Variants in TAPT1 observed in about 807,000 individuals in gnomAD.
The protein encoded by TAPT1 is transmembrane anterior posterior transformation 1, also known as transmembrane anterior posterior transformation protein 1 homolog.
TAPT1 carries 28 observed loss-of-function variants against 65.6 expected under a neutral mutation model. The observed-to-expected ratio is 0.43, with a 90% CI of 0.32 to 0.59. The LOEUF (loss-of-function observed/expected upper bound fraction) is 0.59. TAPT1 is among the 20% of genes least tolerant of loss of function. The probability of loss-of-function intolerance (pLI) is 0.09; values close to 1 mark genes in which losing one functional copy is unlikely to be tolerated. For synonymous variants in TAPT1, 278 were observed against 245.2 expected, an observed-to-expected ratio of 1.13 and a Z score of -1.25; for missense variants, 563 against 679.9, an observed-to-expected ratio of 0.83 and a Z score of 1.91.
intron 7 of TAPT1, chr4:16,183,270 T>C (rs1003486392): frequency 1.2e-4 from 18 of 152,216 alleles, no homozygotes; most frequent in African/African-American, 4.3e-4. Flanking sequence ...CGGACCACCT[T>C]GCATTGTAAC....
At chr4:16,194,938 G>A (rs1749611338) in intron 3 of TAPT1, among the ~76,000 whole-genome samples, 1 of 151,182 alleles carries the variant, frequency 6.6e-6, no homozygotes, top group Admixed American at 6.6e-5. Context: ...CACCATGTTG[G>A]CCAGGATGGT....
intron 1 of TAPT1, among the ~76,000 whole-genome samples, chr4:16,220,321 C>T (rs1751173940): frequency 6.6e-6 from 1 of 152,186 alleles, no homozygotes; most frequent in South Asian, 2.1e-4. Context: ...GCAAAACAGT[C>T]ACTCTCATTT....
intron 3 of TAPT1, chr4:16,196,574 A>C (rs189752477): frequency 3.3e-6 from 2 of 608,470 alleles, no homozygotes; most frequent in Admixed American, 2.4e-5. Context: ...CCTAATGGCT[A>C]TGTCTGCCTA....
chr4:16,189,673 C>T (rs1160539940), intron 4 of TAPT1, among the ~76,000 whole-genome samples: 1 of 152,196 alleles, frequency 6.6e-6, no homozygotes, highest in Non-Finnish European at 1.5e-5. Flanking sequence ...TTGCCTCTTC[C>T]AGAGCATGGA....
chr4:16,186,907 AT>A (rs781635764), intron 5 of TAPT1, 29 bp from the exon 6 acceptor site: 113 of 1,351,006 alleles, frequency 8.4e-5, no homozygotes, highest in Non-Finnish European at 1.2e-4. Flanking sequence ...AAAAACTTAA[AT>A]TTGCTTTCAT....
intron 11 of TAPT1, among the ~76,000 whole-genome samples, chr4:16,171,929 G>C (rs6813085): frequency 0.043 from 6,585 of 152,054 alleles, 246 homozygotes; most frequent in African/African-American, 0.09. Context: ...ACGACCCAAT[G>C]TAACGCTTAG....
chr4:16,173,964 T>C (rs1748166465), intron 11 of TAPT1, among the ~76,000 whole-genome samples: 1 of 152,248 alleles, frequency 6.6e-6, no homozygotes, highest in South Asian at 2.1e-4. Context: ...AGTATTCTCA[T>C]TGTTAGGAAA....
chr4:16,163,140 C>T lies in TAPT1; in HGVS notation c.*168G>A, dbSNP rs1747362225. ...AGGTCGCTCCTGTCCTGTGGTCTGA[C>T]CCTCAGCCAGGCCATATTACTGGAA... is the stretch of plus-strand genomic sequence containing the variant. On this transcript the variant is annotated 3_prime_UTR_variant, in exon 14 of 14. Coordinates refer to ENST00000405303, the MANE Select transcript of TAPT1 (RefSeq NM_153365.3). 1.2e-5 allele frequency: 8 copies of T among 664,806 alleles called. No individual in the cohort carries two copies. The South Asian group carries it at 1.3e-4, about 11-fold the overall frequency. The allele number at this position is 664,806 out of a possible 1,614,324, so 41.2% of individuals were successfully genotyped here. A position where few individuals can be genotyped will look rare whatever the true frequency, so the allele number is the denominator to read the frequency against.
At chr4:16,201,146 C>T (rs760854596) in intron 3 of TAPT1, among the ~76,000 whole-genome samples, 2 of 152,102 alleles carry the variant, frequency 1.3e-5, no homozygotes, top group Non-Finnish European at 2.9e-5. Flanking sequence ...ATAATGTGAT[C>T]ATCATAATAA....
intron 9 of TAPT1, 22 bp from the exon 10 acceptor site, chr4:16,174,751 A>G: frequency 6.7e-7 from 1 of 1,494,320 alleles, no homozygotes; most frequent in African/African-American, 1.4e-5. Context: ...CAAGAATGAA[A>G]TATCAAGTAA....
intron 1 of TAPT1, among the ~76,000 whole-genome samples, chr4:16,224,714 T>C (rs1183250353): frequency 3.3e-5 from 5 of 152,134 alleles, no homozygotes; most frequent in African/African-American, 1.2e-4. Context: ...TGGTGAACCA[T>C]GTTGGTGAAG....
chr4:16,218,630 G>A lies in TAPT1; in HGVS notation c.200-4732C>T, dbSNP rs548296931. 7.2e-5 allele frequency among the ~76,000 whole-genome samples: 11 copies of A among 152,334 alleles called. No individual in the cohort carries two copies. The South Asian group carries it at 2.1e-3, about 29-fold the overall frequency. On this transcript the variant is annotated intron_variant, in intron 1 of 13. Coordinates refer to ENST00000405303, the MANE Select transcript of TAPT1 (RefSeq NM_153365.3). ...TCACCGAAAAGAAAATGGAAGCTTA[G>A]AGCAGTTTTTTAATACCTGTCAGCT...
intron 7 of TAPT1, 147 bp from the exon 8 acceptor site, chr4:16,179,804 G>GTGTATATATATATATATATATATA (rs1553825039): frequency 0.016 from 1,797 of 111,560 alleles, 45 homozygotes; most frequent in African/African-American, 0.067. Flanking sequence ...ATATATATAT[G>GTGTATATATATATATATATATATA]TGTGTGTGTG....
At chr4:16,210,866 T>C (rs1482574267) in intron 2 of TAPT1, among the ~76,000 whole-genome samples, 1 of 152,118 alleles carries the variant, frequency 6.6e-6, no homozygotes, top group African/African-American at 2.4e-5. Context: ...GAAATGTCTC[T>C]CAAAAGCCAA....
intron 2 of TAPT1, among the ~76,000 whole-genome samples, chr4:16,211,540 G>A (rs1333648709): frequency 6.6e-6 from 1 of 152,066 alleles, no homozygotes; most frequent in Admixed American, 6.5e-5. Flanking sequence ...TGTACATTTA[G>A]GCTACAAAGC....
chr4:16,221,150 G>A (rs1250111392), intron 1 of TAPT1, among the ~76,000 whole-genome samples: 3 of 151,100 alleles, frequency 2.0e-5, no homozygotes, highest in African/African-American at 7.3e-5. Context: ...GTCTTGCTCT[G>A]TCACCTGTTG....
At chr4:16,218,306 G>C (rs1356261538) in intron 1 of TAPT1, among the ~76,000 whole-genome samples, 9 of 152,180 alleles carry the variant, frequency 5.9e-5, no homozygotes, top group Admixed American at 5.9e-4. Context: ...TTGGGAGGCT[G>C]AGGCAGGAGA....
chr4:16,213,212 T>C (rs1031681338), intron 2 of TAPT1, among the ~76,000 whole-genome samples: 1 of 152,220 alleles, frequency 6.6e-6, no homozygotes, highest in Non-Finnish European at 1.5e-5. Flanking sequence ...TTATTGGTCT[T>C]GATAGGATAA....
intron 8 of TAPT1, chr4:16,176,863 T>G (rs1224850354): frequency 1.3e-5 from 2 of 152,256 alleles, no homozygotes; most frequent in African/African-American, 4.8e-5. Context: ...AGAAAATCCT[T>G]TAATTCCATA....
Sources: allele counts gnomAD v4.1 joint callset (sites outside exome capture counted in the v4.1 genomes callset), GRCh38; gene constraint gnomAD v4.1.1; transcripts MANE v1.5; gene names NCBI Gene and HGNC (gene_info 2026-07-23, HGNC 2026-07-21).